Variants in MTUS2 observed in about 807,000 individuals in gnomAD.
The protein encoded by MTUS2 is microtubule associated scaffold protein 2.
A neutral mutation model predicts 114.1 loss-of-function variants in MTUS2; 40 were observed. The ratio of observed to expected loss-of-function variants is 0.35; its 90% CI spans 0.27 to 0.46. MTUS2 has a LOEUF of 0.46. Ranked by LOEUF, MTUS2 falls within the 20% of genes least tolerant of loss-of-function variation. MTUS2 has a pLI of 1.00. For missense variants in MTUS2, 1,679 were observed against 1,705.4 expected, an observed-to-expected ratio of 0.98 and a Z score of 0.27; for synonymous variants, 688 against 672.0, an observed-to-expected ratio of 1.02 and a Z score of -0.37.
intron 2 of MTUS2, among the ~76,000 whole-genome samples, chr13:28,861,174 A>G (rs1876955216): frequency 6.6e-6 from 1 of 152,244 alleles, no homozygotes; most frequent in African/African-American, 2.4e-5. Flanking sequence ...TTAGGATGGT[A>G]CGTACAATGG....
intron 2 of MTUS2, among the ~76,000 whole-genome samples, chr13:29,016,648 T>C (rs1180367503): frequency 6.6e-6 from 1 of 152,146 alleles, no homozygotes; most frequent in Admixed American, 6.5e-5. Flanking sequence ...TTTACTACTT[T>C]CTACTCATTT....
chr13:29,103,927 G>T (rs956788621), intron 5 of MTUS2, among the ~76,000 whole-genome samples: 1 of 152,204 alleles, frequency 6.6e-6, no homozygotes, highest in Non-Finnish European at 1.5e-5. Flanking sequence ...ATGAATTTAT[G>T]AGTGTTTCCT....
intron 2 of MTUS2, among the ~76,000 whole-genome samples, chr13:28,915,743 G>A (rs879925531): frequency 3.3e-5 from 5 of 151,708 alleles, no homozygotes; most frequent in African/African-American, 1.2e-4. Context: ...CTCCGATTTT[G>A]TGGGTTCTCT....
Position 28,869,980 on chromosome 13 carries a change from G to GT in MTUS2, c.-243+30131dup, listed in dbSNP as rs1877524907. ...TAAAATTCTTTTATATGCATTTTCTGTATTTTTAAAGTTGACAATAATAAT... is the reference window on the plus strand; with the variant it reads ...TAAAATTCTTTTATATGCATTTTCTGTTATTTTTAAAGTTGACAATAATAAT... On this transcript the variant is annotated intron_variant, in intron 2 of 15. Transcript: ENST00000612955. 2.0e-5 allele frequency among the ~76,000 whole-genome samples: 3 copies of GT among 152,046 alleles called. No individual in the cohort carries two copies. In the South Asian group the frequency reaches 6.2e-4, roughly 32 times the overall value.
chr13:29,359,437 T>A lies in MTUS2; in HGVS notation c.3081T>A (p.Asp1027Glu). 1 of 1,612,874 alleles carries A rather than the reference T, an allele frequency of 6.2e-7. No homozygotes were observed. Among genetic ancestry groups the A allele is most frequent in the Non-Finnish European group, 8.5e-7 (1 of 1,179,614 alleles). Reference protein sequence around the residue: ...GELKRAICGFDALAVATQHFF... With the variant: ...GELKRAICGFEALAVATQHFF... ...TGAAGAGGGCCATCTGCGGCTTTGA[T>A]GCCCTCGCCGTGGCCACGCAGCATT... The change falls in exon 8 of 16, where the codon GAT becomes GAA. Residue 1027 changes from aspartate (D) to glutamate (E), a missense_variant. By Grantham distance (45) the Asp-to-Glu change is conservative. This residue lies in a region of MTUS2 where 822 missense variants were observed against 899.7 expected (regional missense o/e 0.91). Transcript: ENST00000612955.
intron 2 of MTUS2, among the ~76,000 whole-genome samples, chr13:28,986,064 C>T (rs1480794603): frequency 2.0e-5 from 3 of 151,984 alleles, no homozygotes; most frequent in Non-Finnish European, 4.4e-5. Context: ...TTTATAGAAA[C>T]GGAACATAGG....
intron 7 of MTUS2, among the ~76,000 whole-genome samples, chr13:29,335,465 T>C (rs9579341): frequency 0.18 from 27,292 of 152,104 alleles, 2,578 homozygotes; most frequent in Middle Eastern, 0.22. Context: ...CCTTGTGGTA[T>C]TTTATTACCT....
chr13:29,239,133 C>A (rs1896641067), intron 5 of MTUS2, among the ~76,000 whole-genome samples: 1 of 152,128 alleles, frequency 6.6e-6, no homozygotes, highest in African/African-American at 2.4e-5. Context: ...AAAAAGGTAG[C>A]TGTGTGAGGT....
chr13:29,154,257 T>G (rs1892773064), intron 5 of MTUS2, among the ~76,000 whole-genome samples: 1 of 152,260 alleles, frequency 6.6e-6, no homozygotes, highest in South Asian at 2.1e-4. Flanking sequence ...ATTTTCATCA[T>G]GAACTATGTC....
chr13:29,140,523 G>A (rs1164017793), intron 5 of MTUS2, among the ~76,000 whole-genome samples: 2 of 152,218 alleles, frequency 1.3e-5, no homozygotes, highest in Non-Finnish European at 2.9e-5. Context: ...ATGTCTTCCT[G>A]TTGTAGGAAA....
chr13:29,306,561 C>T (rs1263907384), intron 6 of MTUS2, among the ~76,000 whole-genome samples: 2 of 152,104 alleles, frequency 1.3e-5, no homozygotes, highest in East Asian at 1.9e-4. Context: ...GAATAAAATG[C>T]CTAGAAATAC....
At chr13:28,921,785 A>G (rs1881055059) in intron 2 of MTUS2, among the ~76,000 whole-genome samples, 1 of 152,134 alleles carries the variant, frequency 6.6e-6, no homozygotes, top group Non-Finnish European at 1.5e-5. Context: ...TGAGCCCAGC[A>G]TGTCTTTGCT....
At chr13:29,338,029 T>C (rs1901171932) in intron 7 of MTUS2, among the ~76,000 whole-genome samples, 1 of 151,064 alleles carries the variant, frequency 6.6e-6, no homozygotes, top group Admixed American at 6.6e-5. Flanking sequence ...CTTGACCTCG[T>C]GATTTGCCCA....
intron 2 of MTUS2, among the ~76,000 whole-genome samples, chr13:28,962,078 T>C (rs1883353744): frequency 6.6e-6 from 1 of 151,418 alleles, no homozygotes; most frequent in African/African-American, 2.4e-5. Flanking sequence ...GATTTTAAAA[T>C]ATTCTCTATA....
chr13:29,493,448 A>C (rs1329043065), intron 12 of MTUS2, among the ~76,000 whole-genome samples: 1 of 152,128 alleles, frequency 6.6e-6, no homozygotes, highest in Non-Finnish European at 1.5e-5. Context: ...ATCACAGCAA[A>C]ATTATTTTTT....
chr13:29,443,339 A>G (rs982479933), intron 9 of MTUS2, among the ~76,000 whole-genome samples: 1 of 152,172 alleles, frequency 6.6e-6, no homozygotes, highest in African/African-American at 2.4e-5. Context: ...CCCCTGATGC[A>G]ATTGGGTTGG....
intron 2 of MTUS2, among the ~76,000 whole-genome samples, chr13:28,926,545 C>T (rs980617959): frequency 3.9e-5 from 6 of 152,138 alleles, no homozygotes; most frequent in South Asian, 2.1e-4. Flanking sequence ...GTAAATTCCC[C>T]GTCACGTTTT....
intron 2 of MTUS2, among the ~76,000 whole-genome samples, chr13:28,937,673 A>G (rs1391694402): frequency 6.6e-6 from 1 of 152,144 alleles, no homozygotes; most frequent in African/African-American, 2.4e-5. Flanking sequence ...CACAAAGCCC[A>G]GGTTTCTGGC....
intron 2 of MTUS2, among the ~76,000 whole-genome samples, chr13:28,924,560 T>C (rs1212949737): frequency 2.6e-5 from 4 of 152,126 alleles, no homozygotes; most frequent in African/African-American, 9.7e-5. Flanking sequence ...AAAACAAAAG[T>C]TTAAATCTAC....
Sources: gnomAD v4.1 joint callset for allele counts (sites outside exome capture counted in the v4.1 genomes callset) on GRCh38, gnomAD v4.1.1 for gene constraint, gnomAD v4.1.1 regional missense constraint, MANE v1.5 for transcripts, NCBI Gene and HGNC (gene_info 2026-07-23, HGNC 2026-07-21) for gene names.